The following NEDD4L variants were observed in gnomAD, a reference collection of about 807,000 sequenced individuals.
NEDD4L encodes the protein NEDD4 like E3 ubiquitin protein ligase, also known as E3 ubiquitin-protein ligase NEDD4-like.
In NEDD4L, 54 loss-of-function variants were observed where a neutral mutation model predicts 148.9. The ratio of observed to expected loss-of-function variants is 0.36; its 90% CI spans 0.29 to 0.45. The LOEUF (loss-of-function observed/expected upper bound fraction) is 0.45, where lower values mean the gene tolerates loss of function less well. Among genes scored for constraint, NEDD4L ranks in the 20% least tolerant of loss-of-function variants. The pLI is 1.00. For missense variants in NEDD4L, 856 were observed against 1,233.8 expected, an observed-to-expected ratio of 0.69 and a Z score of 4.59; for synonymous variants, 433 against 440.7, an observed-to-expected ratio of 0.98 and a Z score of 0.22.
intron 1 of NEDD4L, among the ~76,000 whole-genome samples, chr18:58,057,474 G>A (rs61011105): frequency 0.095 from 14,463 of 152,116 alleles, 1,009 homozygotes; most frequent in African/African-American, 0.2. Flanking sequence ...GCTGAAGTCC[G>A]TCCAGGGTGA....
chr18:58,333,338 A>T (rs548193562), intron 11 of NEDD4L, among the ~76,000 whole-genome samples: 1 of 152,262 alleles, frequency 6.6e-6, no homozygotes, highest in African/African-American at 2.4e-5. Context: ...AAGTAGGCCA[A>T]GATGATGTCT....
intron 16 of NEDD4L, among the ~76,000 whole-genome samples, chr18:58,345,848 TC>T (rs1012401674): frequency 2.8e-4 from 42 of 152,212 alleles, no homozygotes; most frequent in African/African-American, 8.9e-4. Flanking sequence ...TTCATGCGAT[TC>T]TCTTGCCTCA....
Position 58,376,312 on chromosome 18 carries a change from C to T in NEDD4L, c.2352+3043C>T, listed in dbSNP as rs549851431. Among the ~76,000 whole-genome samples, 39 of 152,264 alleles carry T rather than the reference C, an allele frequency of 2.6e-4. 2 individuals are homozygous for T. The South Asian group carries it at 6.8e-3, about 27-fold the overall frequency. On this transcript the variant is annotated intron_variant, in intron 24 of 30. Coordinates refer to ENST00000400345, the MANE Select transcript of NEDD4L (RefSeq NM_001144967.3). ...TCCTCGTTTAATGTTGTGAATTCTT[C>T]TGACTTTTGGGTAGGATCAAGTAGA... is the stretch of plus-strand genomic sequence containing the variant.
At chr18:58,213,595 A>G (rs2042828199) in intron 2 of NEDD4L, among the ~76,000 whole-genome samples, 1 of 152,134 alleles carries the variant, frequency 6.6e-6, no homozygotes. Context: ...TTAATGTGGA[A>G]TGGTGGGAGA....
chr18:58,126,218 G>A (rs1358614065), intron 1 of NEDD4L, among the ~76,000 whole-genome samples: 6 of 152,216 alleles, frequency 3.9e-5, no homozygotes, highest in Non-Finnish European at 7.3e-5. Flanking sequence ...CACATGTGCA[G>A]ACATCACCAT....
intron 2 of NEDD4L, among the ~76,000 whole-genome samples, chr18:58,229,729 T>C (rs1312073721): frequency 2.6e-5 from 4 of 152,044 alleles, no homozygotes; most frequent in African/African-American, 4.8e-5. Flanking sequence ...CGGTGGCTCA[T>C]GCCTGTAAGC....
chr18:58,314,358 A>G (rs2058038418), intron 5 of NEDD4L, among the ~76,000 whole-genome samples: 1 of 151,624 alleles, frequency 6.6e-6, no homozygotes. Flanking sequence ...CGGAGGTTGC[A>G]GTGAGCTGAG....
chr18:58,380,296 T>TTTTATTTA (rs550029276), intron 24 of NEDD4L, among the ~76,000 whole-genome samples: 7,918 of 141,744 alleles, frequency 0.056, 413 homozygotes, highest in African/African-American at 0.14. Flanking sequence ...TTCTTTTTTA[T>TTTTATTTA]TTTATTTATT....
intron 23 of NEDD4L, chr18:58,372,123 A>G (rs1005978449): frequency 6.6e-6 from 1 of 151,962 alleles, no homozygotes; most frequent in Non-Finnish European, 1.5e-5. Context: ...TTACTTATTT[A>G]TTTTTTTGGC....
intron 19 of NEDD4L, among the ~76,000 whole-genome samples, chr18:58,362,696 G>C (rs1426370427): frequency 2.6e-5 from 4 of 152,142 alleles, no homozygotes; most frequent in Admixed American, 2.6e-4. Context: ...TATTTTTCTG[G>C]CACCTAAAAT....
At chr18:58,212,380 A>G (rs947641917) in intron 2 of NEDD4L, among the ~76,000 whole-genome samples, 1 of 152,186 alleles carries the variant, frequency 6.6e-6, no homozygotes, top group African/African-American at 2.4e-5. Flanking sequence ...AGGACTCACG[A>G]TCACGGGTGA....
At chr18:58,153,356 T>TTA (rs1555710075) in intron 1 of NEDD4L, among the ~76,000 whole-genome samples, 1 of 131,988 alleles carries the variant, frequency 7.6e-6, no homozygotes, top group African/African-American at 2.8e-5. Context: ...TTTTTTTTTT[T>TTA]AAAGACAGAG....
At chr18:58,085,269 C>T (rs74604770) in intron 1 of NEDD4L, among the ~76,000 whole-genome samples, 3,058 of 151,964 alleles carry the variant, frequency 0.02, 95 homozygotes, top group African/African-American at 0.07. Context: ...TAAAGATGCG[C>T]GGACCACAGA....
chr18:58,234,241 A>G (rs1275067553), intron 2 of NEDD4L, among the ~76,000 whole-genome samples: 1 of 110,604 alleles, frequency 9.0e-6, no homozygotes, highest in Non-Finnish European at 1.7e-5. Flanking sequence ...TCTTTTAAAA[A>G]TATTTTTCTT....
At chr18:58,204,321 C>G (rs1020619940) in intron 2 of NEDD4L, among the ~76,000 whole-genome samples, 4 of 151,266 alleles carry the variant, frequency 2.6e-5, no homozygotes, top group Non-Finnish European at 4.4e-5. Context: ...GAGTGAGACT[C>G]CTTCTCAAAA....
intron 1 of NEDD4L, among the ~76,000 whole-genome samples, chr18:58,079,269 C>G (rs1328495334): frequency 6.6e-6 from 1 of 152,108 alleles, no homozygotes; most frequent in Non-Finnish European, 1.5e-5. Flanking sequence ...TTGGATATTC[C>G]TAAGGGTTCA....
At chr18:58,191,845 C>A (rs2040154639) in intron 2 of NEDD4L, among the ~76,000 whole-genome samples, 1 of 152,156 alleles carries the variant, frequency 6.6e-6, no homozygotes, top group South Asian at 2.1e-4. Context: ...GGGATTCAAT[C>A]TGGGAAACCC....
intron 1 of NEDD4L, among the ~76,000 whole-genome samples, chr18:58,092,866 GT>G (rs35422628): frequency 3.2e-5 from 4 of 123,542 alleles, no homozygotes; most frequent in Non-Finnish European, 3.5e-5. Context: ...TTTTTTTTTT[GT>G]TTTTTTTTTT....
chr18:58,083,044 C>A (rs780760412), intron 1 of NEDD4L, among the ~76,000 whole-genome samples: 1 of 152,134 alleles, frequency 6.6e-6, no homozygotes, highest in Non-Finnish European at 1.5e-5. Flanking sequence ...TAGTAGGAAT[C>A]TTAACAGGTT....
Sources: gnomAD v4.1 joint callset for allele counts (sites outside exome capture counted in the v4.1 genomes callset) on GRCh38, gnomAD v4.1.1 for gene constraint, MANE v1.5 for transcripts, NCBI Gene and HGNC (gene_info 2026-07-23, HGNC 2026-07-21) for gene names.